NDUFV2: variants seen among roughly 807,000 people sequenced by gnomAD.
NDUFV2 encodes NADH:ubiquinone oxidoreductase core subunit V2.
In NDUFV2, 18 loss-of-function variants were observed where a neutral mutation model predicts 31.6. The ratio of observed to expected loss-of-function variants is 0.57; its 90% CI spans 0.39 to 0.84. The LOEUF (loss-of-function observed/expected upper bound fraction) is 0.84. Among genes scored for constraint, NDUFV2 ranks in the 40% least tolerant of loss-of-function variants. The pLI, the probability that NDUFV2 is intolerant of heterozygous loss-of-function variation, is 0.00. For synonymous variants in NDUFV2, 83 were observed against 99.8 expected, an observed-to-expected ratio of 0.83 and a Z score of 1.01; for missense variants, 314 against 303.6, an observed-to-expected ratio of 1.03 and a Z score of -0.26.
chr18:9,124,346 T>C (rs2077968014), intron 5 of NDUFV2, among the ~76,000 whole-genome samples: 1 of 151,764 alleles, frequency 6.6e-6, no homozygotes, highest in Non-Finnish European at 1.5e-5. Flanking sequence ...TGGTCTCAAA[T>C]TCCTGGGCTC....
intron 7 of NDUFV2, among the ~76,000 whole-genome samples, chr18:9,129,892 C>G (rs1275373724): frequency 6.6e-6 from 1 of 152,122 alleles, no homozygotes; most frequent in Admixed American, 6.5e-5. Context: ...GCCATAGTTG[C>G]TATGTGGAGA....
intron 7 of NDUFV2, among the ~76,000 whole-genome samples, chr18:9,127,768 G>A (rs536102260): frequency 3.3e-5 from 5 of 152,276 alleles, no homozygotes; most frequent in African/African-American, 1.2e-4. Flanking sequence ...CACTGTGCCC[G>A]GCCTAATCAT....
intron 1 of NDUFV2, among the ~76,000 whole-genome samples, chr18:9,110,215 C>A (rs1369334217): frequency 1.3e-5 from 2 of 152,090 alleles, no homozygotes; most frequent in Non-Finnish European, 2.9e-5. Flanking sequence ...CCTGGAATGC[C>A]TCTTTATTTC....
At chr18:9,113,594 G>T (rs1400180748) in intron 1 of NDUFV2, among the ~76,000 whole-genome samples, 1 of 152,144 alleles carries the variant, frequency 6.6e-6, no homozygotes, top group African/African-American at 2.4e-5. Context: ...AAAAAAAGAA[G>T]AAGTAAAAAC....
At chr18:9,116,911 T>G (rs2077901020) in intron 1 of NDUFV2, among the ~76,000 whole-genome samples, 1 of 151,812 alleles carries the variant, frequency 6.6e-6, no homozygotes, top group South Asian at 2.1e-4. Context: ...GGGGACAGGG[T>G]AGGAGTGGAG....
At chr18:9,106,907 G>T (rs1033789915) in intron 1 of NDUFV2, among the ~76,000 whole-genome samples, 4 of 61,340 alleles carry the variant, frequency 6.5e-5, no homozygotes, top group African/African-American at 1.8e-4. Context: ...ACATCACTTC[G>T]ACCCTCCTGG....
intron 1 of NDUFV2, among the ~76,000 whole-genome samples, chr18:9,106,894 A>G (rs1217664032): frequency 2.0e-5 from 2 of 101,876 alleles, no homozygotes; most frequent in Admixed American, 1.0e-4. Flanking sequence ...TAGTTCTTAT[A>G]TCACATCACT....
intron 1 of NDUFV2, chr18:9,103,946 A>G: frequency 2.0e-6 from 1 of 504,300 alleles, no homozygotes; most frequent in Non-Finnish European, 3.5e-6. Context: ...CTTTTTCCTC[A>G]TATTACAGAT....
At chr18:9,116,753 G>A (rs1023115707) in intron 1 of NDUFV2, among the ~76,000 whole-genome samples, 7 of 152,084 alleles carry the variant, frequency 4.6e-5, no homozygotes, top group African/African-American at 1.4e-4. Context: ...ATATTACTCC[G>A]TTTACTTTCT....
intron 1 of NDUFV2, chr18:9,103,865 A>G (rs1430620123): frequency 6.2e-6 from 2 of 324,032 alleles, no homozygotes; most frequent in African/African-American, 2.1e-5. Context: ...GTCATTTGAT[A>G]ACTGTTTTCT....
chr18:9,125,458 ATAGAGATGG>A (rs1032473786), intron 6 of NDUFV2, among the ~76,000 whole-genome samples: 2 of 152,064 alleles, frequency 1.3e-5, no homozygotes, highest in African/African-American at 4.8e-5. Context: ...AAAAAATTTT[ATAGAGATGG>A]TATCATACCT....
Position 9,127,776 on chromosome 18 carries a change from C to T in NDUFV2, c.656+869C>T, listed in dbSNP as rs2078004554. 5.9e-5 allele frequency among the ~76,000 whole-genome samples: 9 copies of T among 152,164 alleles called. No homozygotes were observed. The South Asian group carries it at 1.9e-3, about 32-fold the overall frequency. ...CATGAGCCACTGTGCCCGGCCTAATCATGGTATTTTGAGATACATACTGAG... is the reference window on the plus strand; with the variant it reads ...CATGAGCCACTGTGCCCGGCCTAATTATGGTATTTTGAGATACATACTGAG... On this transcript the variant is annotated intron_variant, in intron 7 of 7. Coordinates refer to ENST00000318388, the MANE Select transcript of NDUFV2 (RefSeq NM_021074.5).
chr18:9,127,688 G>C (rs567538846), intron 7 of NDUFV2, among the ~76,000 whole-genome samples: 3 of 152,206 alleles, frequency 2.0e-5, no homozygotes, highest in African/African-American at 7.2e-5. Context: ...AGCCAGGATG[G>C]TCTCCGATCT....
intron 1 of NDUFV2, chr18:9,104,941 C>T: frequency 6.5e-7 from 1 of 1,547,728 alleles, no homozygotes; most frequent in Non-Finnish European, 8.8e-7. Context: ...CTACACATAA[C>T]AGACCTTACA....
chr18:9,131,208 T>C (rs1483460111), intron 7 of NDUFV2, among the ~76,000 whole-genome samples: 4 of 152,214 alleles, frequency 2.6e-5, no homozygotes, highest in East Asian at 1.9e-4. Context: ...ACAAGTCTTA[T>C]CATTTTCATG....
At chr18:9,112,893 T>C (rs1394485624) in intron 1 of NDUFV2, among the ~76,000 whole-genome samples, 2 of 152,210 alleles carry the variant, frequency 1.3e-5, no homozygotes, top group East Asian at 3.8e-4. Context: ...AGAGTAGGGA[T>C]ACAAGAATAT....
intron 7 of NDUFV2, among the ~76,000 whole-genome samples, chr18:9,131,873 T>C (rs893387432): frequency 5.3e-5 from 8 of 152,210 alleles, no homozygotes; most frequent in Non-Finnish European, 1.2e-4. Context: ...TAGTGTAAAT[T>C]GTGGCTGTCA....
In NDUFV2 at chr18:9,124,914, T is replaced by C. The variant is rs201074358; in HGVS notation, c.510T>C (p.Thr170=). ...VGETTPDKLF[T]LIEVECLGAC... ...AGACTACACCTGACAAACTTTTCAC[T>C]CTTATAGAAGTGGAATGTTTAGGGG... The change falls in exon 6 of 8, where the codon ACT becomes ACC. Residue 170 remains threonine, a synonymous_variant. Coordinates refer to ENST00000318388, the MANE Select transcript of NDUFV2 (RefSeq NM_021074.5). 3.5e-4 allele frequency: 572 copies of C among 1,613,212 alleles called. 1 individual carries two copies. The highest frequency in any genetic ancestry group is 4.6e-4 in the Non-Finnish European group (543 of 1,179,636).
At chr18:9,120,551 A>C (rs1196010950) in intron 4 of NDUFV2, among the ~76,000 whole-genome samples, 1 of 152,238 alleles carries the variant, frequency 6.6e-6, no homozygotes, top group Non-Finnish European at 1.5e-5. Flanking sequence ...CTTAGGCTAG[A>C]CAATCATCTT....
Sources: allele counts gnomAD v4.1 joint callset (sites outside exome capture counted in the v4.1 genomes callset), GRCh38; gene constraint gnomAD v4.1.1; transcripts MANE v1.5; gene names NCBI Gene and HGNC (gene_info 2026-07-23, HGNC 2026-07-21).